UNK: variants seen among roughly 807,000 people sequenced by gnomAD.
UNK encodes RING finger protein unkempt homolog.
UNK carries 32 observed loss-of-function variants against 97.6 expected under a neutral mutation model. The observed-to-expected ratio is 0.33, with a 90% CI of 0.25 to 0.44. The LOEUF is 0.44. Among genes scored for constraint, UNK ranks in the 20% least tolerant of loss-of-function variants. The pLI is 1.00. For missense variants in UNK, 771 were observed against 1,098.4 expected, an observed-to-expected ratio of 0.70 and a Z score of 4.21; for synonymous variants, 441 against 461.2, an observed-to-expected ratio of 0.96 and a Z score of 0.56.
chr17:75,791,112 T>C (rs1052477224), intron 1 of UNK, among the ~76,000 whole-genome samples: 4 of 152,164 alleles, frequency 2.6e-5, no homozygotes, highest in Non-Finnish European at 4.4e-5. Context: ...AATGCCCTCA[T>C]GTTAAAGGAA....
chr17:75,797,801 G>A (rs1194758903), intron 1 of UNK, among the ~76,000 whole-genome samples: 8 of 152,120 alleles, frequency 5.3e-5, no homozygotes, highest in Non-Finnish European at 8.8e-5. Context: ...TTATTCCACC[G>A]GCTCAATCTC....
chr17:75,786,887 C>T (rs995744537), intron 1 of UNK, among the ~76,000 whole-genome samples: 8 of 152,070 alleles, frequency 5.3e-5, no homozygotes, highest in Non-Finnish European at 7.4e-5. Flanking sequence ...AAAAAAAAAG[C>T]CTGCCTTTCC....
At chr17:75,793,838 C>T in intron 1 of UNK, 2 of 985,406 alleles carry the variant, frequency 2.0e-6, no homozygotes, top group Middle Eastern at 5.2e-4. Flanking sequence ...AGTCTACCCC[C>T]ACATAAGAGA....
chr17:75,790,860 GGCGGAGGTT>G (rs1231728192), intron 1 of UNK, among the ~76,000 whole-genome samples: 45 of 151,758 alleles, frequency 3.0e-4, no homozygotes, highest in South Asian at 2.1e-4. Context: ...GAACCCAGGA[GGCGGAGGTT>G]GCGGAGGTTG....
Position 75,817,577 on chromosome 17 carries a change from A to G in UNK, c.1305+51A>G. The G allele has an allele frequency of 6.6e-7, 1 of 1,519,368 alleles. No individual in the cohort carries two copies. Among genetic ancestry groups the G allele is most frequent in the Non-Finnish European group, 8.9e-7 (1 of 1,126,860 alleles). 94.1% of individuals were successfully genotyped at this position (1,519,368 alleles called of 1,614,324 possible). A position where few individuals can be genotyped will look rare whatever the true frequency, so the allele number is the denominator to read the frequency against. ...AGGTTAGCCTTCTCCTGCGTGGGGC[A>G]AGAGAATCTTGGAGGAGTGTCTTGG... On this transcript the variant is annotated intron_variant, in intron 9 of 15. Transcript: ENST00000589666. This position sits in a 1 kb window ranked among gnomAD's most constrained non-coding sequence, Gnocchi z 5.8.
intron 6 of UNK, among the ~76,000 whole-genome samples, chr17:75,814,365 G>C (rs55769445): frequency 2.0e-5 from 3 of 151,526 alleles, no homozygotes; most frequent in African/African-American, 7.3e-5. Flanking sequence ...GGTGGTGAGC[G>C]CCTGTAACCC....
rs772080927 is a variant in UNK at position 75,793,738 on chromosome 17, A to G, written c.104+8754A>G. Reference sequence around the variant, plus strand: ...TTCCTGTTAGCATTTGAAACACCATATAGCCACCATAAGTCCTGACAAAAT... The same window carrying G: ...TTCCTGTTAGCATTTGAAACACCATGTAGCCACCATAAGTCCTGACAAAAT... On this transcript the variant is annotated intron_variant, in intron 1 of 15. Transcript: ENST00000589666. 7.1e-6 allele frequency: 7 copies of G among 985,290 alleles called. No homozygotes were observed. The Admixed American group carries it at 2.5e-4, about 35-fold the overall frequency. The allele number at this position is 985,290 out of a possible 1,614,324, so 61.0% of individuals were successfully genotyped here. A position where few individuals can be genotyped will look rare whatever the true frequency, so the allele number is the denominator to read the frequency against.
chr17:75,794,117 C>T, intron 1 of UNK: 1 of 980,506 alleles, frequency 1.0e-6, no homozygotes, highest in African/African-American at 1.7e-5. Flanking sequence ...AAAGTAACGT[C>T]TGTTTTACTA....
intron 14 of UNK, 94 bp downstream of exon 14, chr17:75,822,752 CG>C: frequency 2.2e-6 from 3 of 1,369,882 alleles, no homozygotes; most frequent in Non-Finnish European, 2.9e-6. Flanking sequence ...TGGGGGAAAG[CG>C]GGGGCTGGAA....
In UNK at chr17:75,786,961, G is replaced by A. The variant is rs60257618; in HGVS notation, c.104+1977G>A. On this transcript the variant is annotated intron_variant, in intron 1 of 15. Coordinates refer to ENST00000589666, the MANE Select transcript of UNK (RefSeq NM_001080419.3). ...CTTGAGGTGTCTTAGGAAATCAACA[G>A]GAGTAGGTGAAATAGCCAAGCTTGA... is the stretch of plus-strand genomic sequence containing the variant. Among the ~76,000 whole-genome samples, 682 of 152,314 alleles carry A rather than the reference G, an allele frequency of 4.5e-3. 37 individuals are homozygous for A. The East Asian group carries it at 0.1, about 23-fold the overall frequency.
intron 1 of UNK, among the ~76,000 whole-genome samples, chr17:75,794,579 G>A (rs904468879): frequency 4.6e-5 from 7 of 151,968 alleles, no homozygotes; most frequent in Middle Eastern, 3.2e-3. Context: ...CGCAGGTTGC[G>A]GTGAGCCGAG....
At chr17:75,823,948 C>G (rs2062094255) in intron 15 of UNK, among the ~76,000 whole-genome samples, 1 of 152,204 alleles carries the variant, frequency 6.6e-6, no homozygotes, top group Admixed American at 6.5e-5. Flanking sequence ...CTCGGGCAGC[C>G]AAGCCCCCGG....
At chr17:75,807,453 GTATT>G (rs1236098724) in intron 1 of UNK, among the ~76,000 whole-genome samples, 3 of 152,254 alleles carry the variant, frequency 2.0e-5, no homozygotes, top group South Asian at 2.1e-4. Context: ...ATGTATTTAT[GTATT>G]TATTTATTTA....
rs2061693076 is a variant in UNK at position 75,785,002 on chromosome 17, C to CAA, written c.104+18_104+19insAA. ...CACTACACGTACGTAGAGCCCCCCCCCCCCCGCCGCGCGCGCACGCCTGAC... is the reference window on the plus strand; with the variant it reads ...CACTACACGTACGTAGAGCCCCCCCCAACCCCCGCCGCGCGCGCACGCCTGAC... On this transcript the variant is annotated intron_variant, in intron 1 of 15. Transcript: ENST00000589666. 1 of 1,400,674 alleles carries CAA rather than the reference C, an allele frequency of 7.1e-7. No individual in the cohort carries two copies. The highest frequency in any genetic ancestry group is 9.3e-7 in the Non-Finnish European group (1 of 1,073,950). The allele number at this position is 1,400,674 out of a possible 1,614,324, so 86.8% of individuals were successfully genotyped here.
In UNK at chr17:75,820,238, G is replaced by T. The variant is rs2062054911; in HGVS notation, c.1837+130G>T. 13 of 941,340 alleles carry T rather than the reference G, an allele frequency of 1.4e-5. No individual in the cohort carries two copies. In the South Asian group the frequency reaches 2.3e-4, roughly 17 times the overall value. The allele number at this position is 941,340 out of a possible 1,614,324, so 58.3% of individuals were successfully genotyped here. A position where few individuals can be genotyped will look rare whatever the true frequency, so the allele number is the denominator to read the frequency against. On this transcript the variant is annotated intron_variant, in intron 13 of 15. Coordinates refer to ENST00000589666, the MANE Select transcript of UNK (RefSeq NM_001080419.3). The stretch of plus-strand genomic sequence containing the variant: ...TAGGGCAGAGGCCTTGGGCGAGGAG[G>T]CAGAGTCAGATTCCTGTCTGTGTGA...
intron 1 of UNK, chr17:75,794,035 G>A (rs1026688889): frequency 7.1e-6 from 7 of 985,156 alleles, no homozygotes; most frequent in African/African-American, 3.5e-5. Context: ...GTCACTTCAG[G>A]ATTTGTGTGA....
In UNK at chr17:75,818,339, C is replaced by T. The variant is rs2062035476; in HGVS notation, c.1371+171C>T. ...GGGTAGGGGGTCAGGCCCTGGAGCC[C>T]CTCACCTCCTAGACTCAGTGGAGAA... On this transcript the variant is annotated intron_variant, in intron 10 of 15. Transcript: ENST00000589666. This position sits in a 1 kb window ranked among gnomAD's most constrained non-coding sequence, Gnocchi z 5.1. 6.6e-6 allele frequency among the ~76,000 whole-genome samples: 1 copy of T among 152,124 alleles called. No individual in the cohort carries two copies. The highest frequency in any genetic ancestry group is 2.4e-5 in the African/African-American group (1 of 41,426).
intron 1 of UNK, among the ~76,000 whole-genome samples, chr17:75,804,996 A>C (rs2061897890): frequency 6.6e-6 from 1 of 151,632 alleles, no homozygotes; most frequent in African/African-American, 2.4e-5. Context: ...GATCGAGACC[A>C]CAGTGAAACC....
intron 4 of UNK, 148 bp downstream of exon 4, chr17:75,812,733 CCTCT>C: frequency 7.9e-7 from 1 of 1,272,812 alleles, no homozygotes; most frequent in Non-Finnish European, 1.0e-6. Flanking sequence ...TCAAAAGGCG[CCTCT>C]AGGGGCGTTT....
Sources: gnomAD v4.1 joint callset for allele counts (sites outside exome capture counted in the v4.1 genomes callset) on GRCh38, gnomAD v4.1.1 for gene constraint, Gnocchi (gnomAD v3.1) non-coding constraint, MANE v1.5 for transcripts, NCBI Gene and HGNC (gene_info 2026-07-23, HGNC 2026-07-21) for gene names.